ATXN7: variants seen among roughly 807,000 people sequenced by gnomAD.
ATXN7 encodes ataxin 7.
Under a neutral mutation model 70.5 loss-of-function variants are expected in ATXN7, and 12 were observed. That is an observed-to-expected ratio of 0.17 (90% CI 0.11 to 0.28). ATXN7 has a LOEUF of 0.28. Ranked by LOEUF, ATXN7 falls within the 10% of genes least tolerant of loss-of-function variation. ATXN7 has a pLI of 1.00. For synonymous variants in ATXN7, 498 were observed against 448.7 expected (o/e 1.11, Z -1.39); for missense variants, 1,256 against 1,131.7 (o/e 1.11, Z -1.58).
intron 1 of ATXN7, among the ~76,000 whole-genome samples, chr3:63,883,773 A>G (rs1489593176): frequency 6.6e-6 from 1 of 152,140 alleles, no homozygotes; most frequent in Non-Finnish European, 1.5e-5. Flanking sequence ...AGGGGAGAAA[A>G]TAGGATACCT....
intron 4 of ATXN7, among the ~76,000 whole-genome samples, chr3:63,943,122 A>G (rs1398108043): frequency 1.3e-5 from 2 of 152,212 alleles, no homozygotes; most frequent in Non-Finnish European, 2.9e-5. Context: ...TAAATTGGGT[A>G]TTCAGGGAAA....
intron 4 of ATXN7, among the ~76,000 whole-genome samples, chr3:63,924,322 T>G (rs1704620278): frequency 6.6e-6 from 1 of 152,152 alleles, no homozygotes; most frequent in African/African-American, 2.4e-5. Flanking sequence ...GGCTGTGGTG[T>G]CAGCAGTTGA....
intron 4 of ATXN7, among the ~76,000 whole-genome samples, chr3:63,927,217 A>C (rs1371804377): frequency 6.6e-6 from 1 of 152,162 alleles, no homozygotes; most frequent in East Asian, 1.9e-4. Context: ...TTCTGGTAGG[A>C]GTCACCTTTT....
chr3:63,998,885 G>T (rs1443346697), intron 12 of ATXN7: 2 of 188,364 alleles, frequency 1.1e-5, no homozygotes, highest in Non-Finnish European at 9.9e-6. Flanking sequence ...CTAAACAAGG[G>T]GATGAAGAGT....
intron 2 of ATXN7, among the ~76,000 whole-genome samples, chr3:63,906,567 C>T (rs915223827): frequency 2.0e-5 from 3 of 152,182 alleles, no homozygotes; most frequent in African/African-American, 4.8e-5. Context: ...AGAGCATATA[C>T]TCTTAACTCT....
At chr3:63,985,814 G>A (rs13078154) in intron 8 of ATXN7, among the ~76,000 whole-genome samples, 7,008 of 152,194 alleles carry the variant, frequency 0.046, 195 homozygotes, top group African/African-American at 0.074. Context: ...TTTTTATTAC[G>A]TACATCTGTG....
At chr3:63,913,400 G>T (rs1177991654) in intron 4 of ATXN7, among the ~76,000 whole-genome samples, 175 bp downstream of exon 4, 1 of 152,110 alleles carries the variant, frequency 6.6e-6, no homozygotes, top group Non-Finnish European at 1.5e-5. Context: ...TGGTTTGGGG[G>T]CCTCCTGTAA....
chr3:63,936,390 A>T (rs1457788871), intron 4 of ATXN7, among the ~76,000 whole-genome samples: 2 of 152,132 alleles, frequency 1.3e-5, no homozygotes, highest in Non-Finnish European at 2.9e-5. Flanking sequence ...TGTCTGTGAA[A>T]TTTTCAAGGA....
At chr3:63,978,972 A>G (rs1386719727) in intron 5 of ATXN7, among the ~76,000 whole-genome samples, 1 of 152,246 alleles carries the variant, frequency 6.6e-6, no homozygotes, top group African/African-American at 2.4e-5. Flanking sequence ...CATGCATTTT[A>G]AAACTTAGAG....
At position 63,929,738 on chromosome 3, in the gene ATXN7, A is replaced by G. The variant is rs3774711; in HGVS notation, c.394+16513A>G. 2.0e-5 allele frequency among the ~76,000 whole-genome samples: 3 copies of G among 152,238 alleles called. No individual in the cohort carries two copies. In the East Asian group the frequency reaches 5.8e-4, roughly 29 times the overall value. On this transcript the variant is annotated intron_variant, in intron 4 of 12. Transcript: ENST00000674280. ...CCCAGAAAGGAAATAAGTTCAAACAACAACAAAGGACAGAACTTTTCATCA... is the reference window on the plus strand; with the variant it reads ...CCCAGAAAGGAAATAAGTTCAAACAGCAACAAAGGACAGAACTTTTCATCA...
chr3:63,946,465 C>T (rs945252715), intron 4 of ATXN7, among the ~76,000 whole-genome samples: 2 of 151,976 alleles, frequency 1.3e-5, no homozygotes, highest in African/African-American at 2.4e-5. Flanking sequence ...CAGTGAAACC[C>T]GTTCTCTACT....
chr3:63,932,312 T>G (rs2074562653), intron 4 of ATXN7, among the ~76,000 whole-genome samples: 1 of 152,100 alleles, frequency 6.6e-6, no homozygotes, highest in Admixed American at 6.6e-5. Flanking sequence ...AAGTTAAGAG[T>G]CAGAAGTAGG....
At chr3:63,940,269 T>C (rs2074732507) in intron 4 of ATXN7, among the ~76,000 whole-genome samples, 1 of 146,860 alleles carries the variant, frequency 6.8e-6, no homozygotes, top group Non-Finnish European at 1.5e-5. Flanking sequence ...TGCTGGAGCA[T>C]TGAGGCCATG....
At chr3:63,998,606 G>A (rs2075796814) in intron 12 of ATXN7, 1 of 985,398 alleles carries the variant, frequency 1.0e-6, no homozygotes, top group African/African-American at 1.7e-5. Context: ...TTTTCTCTGT[G>A]CAGAGGAATA....
intron 4 of ATXN7, among the ~76,000 whole-genome samples, chr3:63,944,497 G>A (rs954286917): frequency 6.6e-6 from 1 of 152,024 alleles, no homozygotes; most frequent in Admixed American, 6.6e-5. Flanking sequence ...TGGACAAAGG[G>A]ATGATACATG....
chr3:63,974,212 A>G (rs958197733), intron 5 of ATXN7, among the ~76,000 whole-genome samples: 1 of 152,340 alleles, frequency 6.6e-6, no homozygotes, highest in Non-Finnish European at 1.5e-5. Context: ...TAGCTTAGCA[A>G]CTTCCAAAAT....
chr3:63,912,953 AC>A, intron 3 of ATXN7, 30 bp downstream of exon 3: 3 of 1,077,826 alleles, frequency 2.8e-6, no homozygotes, highest in Non-Finnish European at 3.5e-6. Flanking sequence ...TCCCCCCTTC[AC>A]CCCCTCGCGA....
intron 5 of ATXN7, among the ~76,000 whole-genome samples, chr3:63,962,526 TCC>T (rs1051738124): frequency 2.0e-5 from 3 of 152,020 alleles, no homozygotes; most frequent in African/African-American, 7.2e-5. Flanking sequence ...TGCCTCAGCC[TCC>T]CGAGTAACTG....
intron 8 of ATXN7, among the ~76,000 whole-genome samples, chr3:63,984,820 C>G (rs1302410161): frequency 6.6e-6 from 1 of 152,158 alleles, no homozygotes; most frequent in African/African-American, 2.4e-5. Flanking sequence ...AGCCACCACT[C>G]TAGTTGTTGA....
Sources: gnomAD v4.1 joint callset for allele counts (sites outside exome capture counted in the v4.1 genomes callset) on GRCh38, gnomAD v4.1.1 for gene constraint, MANE v1.5 for transcripts, NCBI Gene and HGNC (gene_info 2026-07-23, HGNC 2026-07-21) for gene names.